PDE4B: variants seen among roughly 807,000 people sequenced by gnomAD.
The protein encoded by PDE4B is phosphodiesterase 4B.
Under a neutral mutation model 82.2 loss-of-function variants are expected in PDE4B, and 20 were observed. The ratio of observed to expected loss-of-function variants is 0.24; its 90% CI spans 0.17 to 0.35. The LOEUF is 0.35. Among genes scored for constraint, PDE4B ranks in the 10% least tolerant of loss-of-function variants. PDE4B has a pLI of 1.00. For synonymous variants in PDE4B, 320 were observed against 318.9 expected (o/e 1.00, Z -0.04); for missense variants, 655 against 907.2 (o/e 0.72, Z 3.57).
At chr1:65,825,702 TTACCTATCTATC>T (rs1163849591) in intron 1 of PDE4B, among the ~76,000 whole-genome samples, 2,106 of 130,376 alleles carry the variant, frequency 0.016, 25 homozygotes, top group South Asian at 0.022. Flanking sequence ...AAAAACAAAA[TTACCTATCTATC>T]TATCTATCTA....
intron 1 of PDE4B, among the ~76,000 whole-genome samples, chr1:65,795,269 T>C (rs1314224158): frequency 6.6e-6 from 1 of 152,270 alleles, no homozygotes; most frequent in Non-Finnish European, 1.5e-5. Flanking sequence ...TTAATTTGGC[T>C]AAGGAGCAAG....
At chr1:65,940,588 A>C (rs368972289) in intron 3 of PDE4B, among the ~76,000 whole-genome samples, 1 of 151,968 alleles carries the variant, frequency 6.6e-6, no homozygotes, top group Admixed American at 6.6e-5. Flanking sequence ...GAAAGGATTT[A>C]ATTGCTTTTT....
intron 3 of PDE4B, among the ~76,000 whole-genome samples, chr1:66,157,761 A>G (rs1053564574): frequency 5.3e-5 from 8 of 152,198 alleles, no homozygotes; most frequent in Non-Finnish European, 8.8e-5. Flanking sequence ...AACATCTAGA[A>G]CAGTGCTATA....
chr1:66,364,860 T>C (rs1570783876), intron 12 of PDE4B, among the ~76,000 whole-genome samples: 1 of 151,960 alleles, frequency 6.6e-6, no homozygotes, highest in East Asian at 1.9e-4. Flanking sequence ...GCTCAATGAG[T>C]GCTTGGGTAA....
intron 3 of PDE4B, among the ~76,000 whole-genome samples, chr1:66,202,135 G>T (rs1018628947): frequency 1.3e-5 from 2 of 152,048 alleles, no homozygotes; most frequent in African/African-American, 4.8e-5. Flanking sequence ...AGGTTGTTCA[G>T]TTTCCATGTA....
chr1:65,885,807 A>G (rs1036047095), intron 1 of PDE4B, among the ~76,000 whole-genome samples: 8 of 151,394 alleles, frequency 5.3e-5, no homozygotes, highest in African/African-American at 1.9e-4. Context: ...ACATGTATAC[A>G]TATGTAACAA....
intron 12 of PDE4B, 29 bp from the exon 13 acceptor site, chr1:66,365,638 G>C (rs1220740645): frequency 7.6e-7 from 1 of 1,308,826 alleles, no homozygotes; most frequent in African/African-American, 1.5e-5. Context: ...AATTGGATGT[G>C]TAGTTAAATG....
At chr1:66,371,767 T>C (rs1006834064) in intron 16 of PDE4B, among the ~76,000 whole-genome samples, 1 of 152,204 alleles carries the variant, frequency 6.6e-6, no homozygotes, top group Non-Finnish European at 1.5e-5. Context: ...CTCATCACTT[T>C]GGAATAGCAA....
chr1:65,903,419 GCACA>G (rs10580572), intron 1 of PDE4B, among the ~76,000 whole-genome samples: 24,559 of 148,414 alleles, frequency 0.17, 2,237 homozygotes, highest in Middle Eastern at 0.29. Flanking sequence ...ACACACACAT[GCACA>G]CACACACACA....
chr1:65,845,986 C>T (rs1305351566), intron 1 of PDE4B, among the ~76,000 whole-genome samples: 2 of 152,122 alleles, frequency 1.3e-5, no homozygotes, highest in South Asian at 2.1e-4. Flanking sequence ...CCTGGCTGGC[C>T]GCCTCCTCCG....
intron 1 of PDE4B, among the ~76,000 whole-genome samples, chr1:65,855,984 G>A (rs1419007994): frequency 6.6e-6 from 1 of 152,076 alleles, no homozygotes; most frequent in Non-Finnish European, 1.5e-5. Flanking sequence ...TTTGTTTACA[G>A]TGGGAGACTA....
rs71058436 is a variant in PDE4B, at chr1:65,924,077, A to ATTTTTTTTTTTTTTTTTTTTTTTTTTTTT, written c.281+5257_281+5258insTTTTTTTTTTTTTTTTTTTTTTTTTTTTT. Among the ~76,000 whole-genome samples, 2 of 40,774 alleles carry ATTTTTTTTTTTTTTTTTTTTTTTTTTTTT rather than the reference A, an allele frequency of 4.9e-5. 1 individual carries two copies. Among genetic ancestry groups the ATTTTTTTTTTTTTTTTTTTTTTTTTTTTT allele is most frequent in the African/African-American group, 1.3e-4 (2 of 15,156 alleles). The allele number at this position is 40,774 out of a possible 152,430, so 26.7% of individuals were successfully genotyped here. ...TTCTAATCTGCCTTCCAGTTTGCTA[A>ATTTTTTTTTTTTTTTTTTTTTTTTTTTTT]TTTTTTTTTTTTTTTGAGACGGAGT... is the stretch of plus-strand genomic sequence containing the variant. On this transcript the variant is annotated intron_variant, in intron 3 of 16. Transcript: ENST00000341517.
chr1:65,828,596 T>TA (rs1428271341), intron 1 of PDE4B, among the ~76,000 whole-genome samples: 1 of 152,076 alleles, frequency 6.6e-6, no homozygotes, highest in Non-Finnish European at 1.5e-5. Flanking sequence ...AGCAAAATTG[T>TA]AAAAATATAT....
intron 4 of PDE4B, among the ~76,000 whole-genome samples, chr1:66,255,790 T>G (rs1260113417): frequency 6.6e-6 from 1 of 152,230 alleles, no homozygotes; most frequent in East Asian, 1.9e-4. Flanking sequence ...AAATATTTTT[T>G]GTTTCCCCTA....
At chr1:65,819,499 G>GTTTTTTT (rs11438074) in intron 1 of PDE4B, among the ~76,000 whole-genome samples, 11 of 145,402 alleles carry the variant, frequency 7.6e-5, no homozygotes, top group African/African-American at 2.8e-4. Context: ...GTTTGTTTTT[G>GTTTTTTT]TTTTGTTTTT....
rs902710040 is a variant in PDE4B at position 65,850,593 on chromosome 1, G to T, written c.-71+57345G>T. Among the ~76,000 whole-genome samples the T allele has an allele frequency of 4.6e-5, 7 of 152,062 alleles. No homozygotes were observed. The East Asian group carries it at 1.3e-3, about 29-fold the overall frequency. On this transcript the variant is annotated intron_variant, in intron 1 of 16. Coordinates refer to ENST00000341517, the MANE Select transcript of PDE4B (RefSeq NM_002600.4). ...TGAGAAGTTTCTGTTCAAATCTTTT[G>T]TCCATTACAAAAGTGAATTATTGGT...
intron 1 of PDE4B, among the ~76,000 whole-genome samples, chr1:65,863,265 G>A (rs1646475106): frequency 6.6e-6 from 1 of 152,096 alleles, no homozygotes; most frequent in Non-Finnish European, 1.5e-5. Context: ...TATCTACCCA[G>A]TTGTCATTCA....
At chr1:66,153,305 A>G (rs930188736) in intron 3 of PDE4B, among the ~76,000 whole-genome samples, 3 of 151,874 alleles carry the variant, frequency 2.0e-5, no homozygotes, top group Admixed American at 1.3e-4. Context: ...TGCAAATGTC[A>G]TTTTCCTTCC....
intron 4 of PDE4B, among the ~76,000 whole-genome samples, chr1:66,254,169 T>C (rs1654007906): frequency 6.6e-6 from 1 of 152,066 alleles, no homozygotes; most frequent in South Asian, 2.1e-4. Context: ...TGTTGTCTTA[T>C]GAACAATGTG....
Sources: allele counts gnomAD v4.1 joint callset (sites outside exome capture counted in the v4.1 genomes callset), GRCh38; gene constraint gnomAD v4.1.1; transcripts MANE v1.5; gene names NCBI Gene and HGNC (gene_info 2026-07-23, HGNC 2026-07-21).